The following DGKB variants were observed in gnomAD, a reference collection of about 807,000 sequenced individuals.
DGKB encodes 90 kDa diacylglycerol kinase.
In DGKB, 67 loss-of-function variants were observed where a neutral mutation model predicts 114.3. The observed-to-expected ratio is 0.59, with a 90% CI of 0.48 to 0.72. The LOEUF (loss-of-function observed/expected upper bound fraction) is 0.72. Among genes scored for constraint, DGKB ranks in the 30% least tolerant of loss-of-function variants. DGKB has a pLI of 0.00. For synonymous variants in DGKB, 398 were observed against 323.1 expected, an observed-to-expected ratio of 1.23 and a Z score of -2.49; for missense variants, 907 against 975.2, an observed-to-expected ratio of 0.93 and a Z score of 0.93.
At chr7:14,464,783 A>G (rs1396656744) in intron 21 of DGKB, among the ~76,000 whole-genome samples, 1 of 152,210 alleles carries the variant, frequency 6.6e-6, no homozygotes, top group Non-Finnish European at 1.5e-5. Context: ...AAGTCTTTGC[A>G]AAGCCCAACT....
chr7:14,369,934 G>A (rs1817355715), intron 21 of DGKB, among the ~76,000 whole-genome samples: 1 of 152,198 alleles, frequency 6.6e-6, no homozygotes, highest in Non-Finnish European at 1.5e-5. Flanking sequence ...TTGCTGTGCA[G>A]AAGCTGTTTC....
intron 20 of DGKB, among the ~76,000 whole-genome samples, chr7:14,522,746 A>G (rs756917963): frequency 6.6e-6 from 1 of 152,190 alleles, no homozygotes; most frequent in Admixed American, 6.5e-5. Flanking sequence ...TGTTTTTGAC[A>G]AGTTTGTCCA....
intron 21 of DGKB, among the ~76,000 whole-genome samples, chr7:14,376,706 G>A (rs996534034): frequency 6.6e-6 from 1 of 152,126 alleles, no homozygotes; most frequent in Non-Finnish European, 1.5e-5. Context: ...AGTAGCACAT[G>A]TGTTGCCTGT....
intron 23 of DGKB, among the ~76,000 whole-genome samples, chr7:14,245,821 G>GT (rs1794392945): frequency 6.6e-6 from 1 of 152,002 alleles, no homozygotes; most frequent in East Asian, 1.9e-4. Context: ...CCAGCTACTC[G>GT]AGAGGTTGAG....
chr7:14,803,254 T>G (rs188230778), intron 2 of DGKB, among the ~76,000 whole-genome samples: 1 of 152,270 alleles, frequency 6.6e-6, no homozygotes, highest in Non-Finnish European at 1.5e-5. Context: ...AGCAAACAAT[T>G]AAAGGAGAAG....
chr7:14,950,535 A>G (rs1786130313), intron 1 of DGKB, among the ~76,000 whole-genome samples: 1 of 152,004 alleles, frequency 6.6e-6, no homozygotes, highest in African/African-American at 2.4e-5. Flanking sequence ...AAAAAAGGAA[A>G]AAGACACAAA....
At chr7:14,662,887 T>C (rs1002014467) in intron 13 of DGKB, among the ~76,000 whole-genome samples, 1 of 151,828 alleles carries the variant, frequency 6.6e-6, no homozygotes, top group East Asian at 1.9e-4. Flanking sequence ...AAATTTTGTA[T>C]GATTACATAG....
intron 20 of DGKB, among the ~76,000 whole-genome samples, chr7:14,545,062 T>C (rs982290314): frequency 1.3e-5 from 2 of 152,148 alleles, no homozygotes; most frequent in African/African-American, 4.8e-5. Context: ...TTTCTATCAC[T>C]GTCTTCAGCC....
intron 20 of DGKB, among the ~76,000 whole-genome samples, chr7:14,517,942 C>A (rs1359493358): frequency 6.6e-6 from 1 of 152,094 alleles, no homozygotes; most frequent in Non-Finnish European, 1.5e-5. Context: ...ATCACTTGAC[C>A]CAGCAATCCC....
In DGKB at chr7:14,483,856, C is replaced by T. The variant is rs527783068; in HGVS notation, c.1771-5631G>A. 2.6e-5 allele frequency among the ~76,000 whole-genome samples: 4 copies of T among 152,208 alleles called. No individual in the cohort carries two copies. In the East Asian group the frequency reaches 5.8e-4, roughly 22 times the overall value. ...CCACAAGAAATGTTTTGTTCTCCATCACCTCTGGAGGGAGCATAAACCTAG... is the reference window on the plus strand; with the variant it reads ...CCACAAGAAATGTTTTGTTCTCCATTACCTCTGGAGGGAGCATAAACCTAG... On this transcript the variant is annotated intron_variant, in intron 20 of 25. Coordinates refer to ENST00000402815, the MANE Select transcript of DGKB (RefSeq NM_001350709.2).
chr7:14,646,986 A>G (rs552394895), intron 13 of DGKB, among the ~76,000 whole-genome samples: 1 of 152,068 alleles, frequency 6.6e-6, no homozygotes, highest in Non-Finnish European at 1.5e-5. Flanking sequence ...AAGCAGAACT[A>G]AACAAAATAG....
At chr7:14,623,178 C>T (rs1373270533) in intron 14 of DGKB, among the ~76,000 whole-genome samples, 1 of 152,122 alleles carries the variant, frequency 6.6e-6, no homozygotes, top group Non-Finnish European at 1.5e-5. Context: ...GAGAAGGATT[C>T]TTAGGGATTT....
intron 20 of DGKB, among the ~76,000 whole-genome samples, chr7:14,494,836 TA>T (rs1157055504): frequency 6.6e-6 from 1 of 151,862 alleles, no homozygotes; most frequent in Non-Finnish European, 1.5e-5. Context: ...ACGTGAAATT[TA>T]AAAAAATACA....
intron 20 of DGKB, among the ~76,000 whole-genome samples, chr7:14,552,546 G>C (rs1795246975): frequency 2.0e-5 from 3 of 152,132 alleles, no homozygotes; most frequent in African/African-American, 4.8e-5. Context: ...CCTGTCTCAT[G>C]ATACTCTCCC....
chr7:14,559,183 TTTTC>T (rs1308074213), intron 20 of DGKB, among the ~76,000 whole-genome samples: 1 of 152,220 alleles, frequency 6.6e-6, no homozygotes, highest in African/African-American at 2.4e-5. Context: ...CATATAGACT[TTTTC>T]TATCTCTAAA....
chr7:14,818,518 C>T (rs1360943383), intron 2 of DGKB, among the ~76,000 whole-genome samples: 1 of 152,138 alleles, frequency 6.6e-6, no homozygotes, highest in Admixed American at 6.6e-5. Flanking sequence ...CTTCTGCTTC[C>T]TGCCCTATTG....
At position 14,468,270 on chromosome 7, in the gene DGKB, CA is replaced by C. The variant is rs138279353; in HGVS notation, c.1835+9890del. 8.8e-3 allele frequency among the ~76,000 whole-genome samples: 1,341 copies of C among 151,920 alleles called. 19 individuals are homozygous for C. The highest frequency in any genetic ancestry group is 0.031 in the African/African-American group (1,287 of 41,464). On this transcript the variant is annotated intron_variant, in intron 21 of 25. Transcript: ENST00000402815. ...TTGGTTAACGTCACAGGCTTATTTC[CA>C]AAAGTAGACTGTCCATTGTCTAATT...
intron 23 of DGKB, among the ~76,000 whole-genome samples, chr7:14,289,412 G>T (rs549015132): frequency 6.6e-6 from 1 of 152,130 alleles, no homozygotes; most frequent in South Asian, 2.1e-4. Flanking sequence ...GGCAGTTTCT[G>T]AACAATAATA....
chr7:14,217,356 G>T (rs1217928301), intron 23 of DGKB, among the ~76,000 whole-genome samples: 2 of 151,840 alleles, frequency 1.3e-5, no homozygotes, highest in African/African-American at 2.4e-5. Flanking sequence ...TGGGACGTGG[G>T]TTTTTTTCCT....
Sources: allele counts gnomAD v4.1 joint callset (sites outside exome capture counted in the v4.1 genomes callset), GRCh38; gene constraint gnomAD v4.1.1; transcripts MANE v1.5; gene names NCBI Gene and HGNC (gene_info 2026-07-23, HGNC 2026-07-21).